Variants in EPS8 observed in about 807,000 individuals in gnomAD.
EPS8 encodes EGFR pathway substrate 8, signaling adaptor.
In EPS8, 42 loss-of-function variants were observed where a neutral mutation model predicts 103.8. That is an observed-to-expected ratio of 0.40 (90% CI 0.32 to 0.52). The LOEUF (loss-of-function observed/expected upper bound fraction) is 0.52, where lower values mean the gene tolerates loss of function less well. Ranked by LOEUF, EPS8 falls within the 20% of genes least tolerant of loss-of-function variation. EPS8 has a pLI of 0.40. For synonymous variants in EPS8, 344 were observed against 344.6 expected (o/e 1.00, Z 0.02); for missense variants, 969 against 1,005.1 (o/e 0.96, Z 0.49).
Position 15,781,060 on chromosome 12 carries a change from A to C in EPS8, c.-22+8101T>G, listed in dbSNP as rs1591939672. ...TAAATACAATGAGGGAAAGAAAGAA[A>C]TAACTAGCTAATGCTACCATTATTT... On this transcript the variant is annotated intron_variant, in intron 1 of 20. Transcript: ENST00000281172. The surrounding 1 kb of genome is among the most constrained non-coding windows in gnomAD (Gnocchi z 4.1). 6.6e-6 allele frequency among the ~76,000 whole-genome samples: 1 copy of C among 152,206 alleles called. No homozygotes were observed. Among genetic ancestry groups the C allele is most frequent in the African/African-American group, 2.4e-5 (1 of 41,456 alleles).
chr12:15,701,549 C>T lies in EPS8; in HGVS notation c.-21-18577G>A, dbSNP rs1468705280. ...ACATTTCACATCTACATAATCCATG[C>T]CTGGATTCAGGTATGTCCTTCTCAT... On this transcript the variant is annotated intron_variant, in intron 1 of 20. Transcript: ENST00000281172. The surrounding 1 kb of genome is among the most constrained non-coding windows in gnomAD (Gnocchi z 5.1). Among the ~76,000 whole-genome samples the T allele has an allele frequency of 6.6e-6, 1 of 152,152 alleles. No individual in the cohort carries two copies. The highest frequency in any genetic ancestry group is 1.5e-5 in the Non-Finnish European group (1 of 68,022).
rs1442697356 is a variant in EPS8, at chr12:15,707,974, G to A, written c.-21-25002C>T. Among the ~76,000 whole-genome samples, 5 of 152,030 alleles carry A rather than the reference G, an allele frequency of 3.3e-5. No homozygotes were observed. In the East Asian group the frequency reaches 5.8e-4, roughly 18 times the overall value. ...CCCCAGGAAAAAAATTCTGATTTAG[G>A]TATGAGAATGAGTTCCTGTTATTGC... On this transcript the variant is annotated intron_variant, in intron 1 of 20. Transcript: ENST00000281172.
At chr12:15,669,610 T>C in intron 5 of EPS8, 54 bp downstream of exon 5, 1 of 1,553,664 alleles carries the variant, frequency 6.4e-7, no homozygotes, top group Non-Finnish European at 8.7e-7. Context: ...ATTGTAAACA[T>C]TAATATTTGT....
rs1263220612 is a variant in EPS8 at position 15,779,717 on chromosome 12, T to C, written c.-22+9444A>G. 2.0e-5 allele frequency among the ~76,000 whole-genome samples: 3 copies of C among 152,206 alleles called. No homozygotes were observed. Among genetic ancestry groups the C allele is most frequent in the Non-Finnish European group, 4.4e-5 (3 of 68,028 alleles). On this transcript the variant is annotated intron_variant, in intron 1 of 20. Coordinates refer to ENST00000281172, the MANE Select transcript of EPS8 (RefSeq NM_004447.6). The surrounding 1 kb of genome is among the most constrained non-coding windows in gnomAD (Gnocchi z 4.3). Reference sequence around the variant, plus strand: ...AAACTTCTCTTCCTTCTATCAATCTTTTTTCTCACTATTTTTTCTTTCTCT... The same window carrying C: ...AAACTTCTCTTCCTTCTATCAATCTCTTTTCTCACTATTTTTTCTTTCTCT...
intron 15 of EPS8, among the ~76,000 whole-genome samples, chr12:15,643,740 GAAAAAA>G (rs56952348): frequency 5.2e-5 from 4 of 76,992 alleles, no homozygotes; most frequent in African/African-American, 1.0e-4. Context: ...ACTCTGTCTC[GAAAAAA>G]AAAAAAAAAA....
intron 18 of EPS8, 125 bp downstream of exon 18, chr12:15,631,317 C>G: frequency 1.5e-6 from 2 of 1,353,740 alleles, no homozygotes; most frequent in Non-Finnish European, 2.0e-6. Flanking sequence ...AAAATCTTTG[C>G]AATCTATTAA....
intron 6 of EPS8, among the ~76,000 whole-genome samples, chr12:15,667,408 C>T (rs149311340): frequency 2.2e-3 from 337 of 152,166 alleles, no homozygotes; most frequent in African/African-American, 7.1e-3. Flanking sequence ...AAATGAGAGG[C>T]CAATGCATCC....
rs1946254505 is a variant in EPS8, at chr12:15,697,182, C to T, written c.-21-14210G>A. Among the ~76,000 whole-genome samples, 1 of 152,284 alleles carries T rather than the reference C, an allele frequency of 6.6e-6. No homozygotes were observed. The highest frequency in any genetic ancestry group is 2.1e-4 in the South Asian group (1 of 4,814). On this transcript the variant is annotated intron_variant, in intron 1 of 20. Coordinates refer to ENST00000281172, the MANE Select transcript of EPS8 (RefSeq NM_004447.6). This position sits in a 1 kb window ranked among gnomAD's most constrained non-coding sequence, Gnocchi z 5.6. ...GGCCTATAGACTGAAGAAGGGAAAA[C>T]TTGAGGGACAAGCACAAACTGATTA...
Position 15,673,624 on chromosome 12 carries a change from A to G in EPS8, c.137-2701T>C, listed in dbSNP as rs566211610. On this transcript the variant is annotated intron_variant, in intron 3 of 20. Coordinates refer to ENST00000281172, the MANE Select transcript of EPS8 (RefSeq NM_004447.6). The stretch of plus-strand genomic sequence containing the variant: ...GTTCTCATCCTTGGCTGCATGTTGG[A>G]ATGAACTTTATAAAACAGTGTGCAA... Among the ~76,000 whole-genome samples, 4 of 152,298 alleles carry G rather than the reference A, an allele frequency of 2.6e-5. No homozygotes were observed. The South Asian group carries it at 8.3e-4, about 32-fold the overall frequency.
At chr12:15,786,600 T>C (rs952995843) in intron 1 of EPS8, among the ~76,000 whole-genome samples, 4 of 152,072 alleles carry the variant, frequency 2.6e-5, no homozygotes, top group East Asian at 1.9e-4. Flanking sequence ...GGGAAGCTGG[T>C]ATGGGGGTAT....
intron 1 of EPS8, among the ~76,000 whole-genome samples, chr12:15,732,444 C>T (rs144746107): frequency 6.6e-6 from 1 of 152,236 alleles, no homozygotes; most frequent in African/African-American, 2.4e-5. Context: ...TTTATATACA[C>T]TATCTCATTT....
chr12:15,763,187 T>C (rs1292704924), intron 1 of EPS8, among the ~76,000 whole-genome samples: 1 of 152,196 alleles, frequency 6.6e-6, no homozygotes, highest in Non-Finnish European at 1.5e-5. Flanking sequence ...GTTGTTGTTT[T>C]TTTTCCTAAG....
rs1343784156 is a variant in EPS8, at chr12:15,725,736, G to T, written c.-21-42764C>A. Among the ~76,000 whole-genome samples, 2 of 152,072 alleles carry T rather than the reference G, an allele frequency of 1.3e-5. No individual in the cohort carries two copies. Among genetic ancestry groups the T allele is most frequent in the East Asian group, 1.9e-4 (1 of 5,186 alleles). On this transcript the variant is annotated intron_variant, in intron 1 of 20. Coordinates refer to ENST00000281172, the MANE Select transcript of EPS8 (RefSeq NM_004447.6). The surrounding 1 kb of genome is among the most constrained non-coding windows in gnomAD (Gnocchi z 4.5). ...CAAATAACAGAGAAATGAACAAAAA[G>T]ATGGAAAAATATGAATTTTAAAAAT...
In EPS8 at chr12:15,745,751, C is replaced by A. The variant is rs1946869222; in HGVS notation, c.-22+43410G>T. On this transcript the variant is annotated intron_variant, in intron 1 of 20. Coordinates refer to ENST00000281172, the MANE Select transcript of EPS8 (RefSeq NM_004447.6). This position sits in a 1 kb window ranked among gnomAD's most constrained non-coding sequence, Gnocchi z 4.6. ...TTTTCATAGACTATCTAGATAATAG[C>A]TCAAGTTCTCTGCCTTTTAGTAGAA... Among the ~76,000 whole-genome samples the A allele has an allele frequency of 6.6e-6, 1 of 152,166 alleles. No individual in the cohort carries two copies. Among genetic ancestry groups the A allele is most frequent in the Admixed American group, 6.5e-5 (1 of 15,274 alleles).
intron 1 of EPS8, among the ~76,000 whole-genome samples, chr12:15,737,388 TA>T (rs1946777165): frequency 6.6e-6 from 1 of 152,118 alleles, no homozygotes; most frequent in South Asian, 2.1e-4. Flanking sequence ...GAAGACTCTG[TA>T]ACATAGATTA....
intron 3 of EPS8, among the ~76,000 whole-genome samples, chr12:15,678,649 A>G (rs866678171): frequency 1.3e-5 from 2 of 152,142 alleles, no homozygotes; most frequent in Non-Finnish European, 1.5e-5. Context: ...CTTAAAAGCT[A>G]AAGATTTTCT....
chr12:15,739,783 T>TCCAC (rs1398572082), intron 1 of EPS8, among the ~76,000 whole-genome samples: 1 of 152,050 alleles, frequency 6.6e-6, no homozygotes, highest in Non-Finnish European at 1.5e-5. Context: ...CATCCATCCA[T>TCCAC]CCACCCATCC....
chr12:15,656,833 C>T (rs1226584851), intron 12 of EPS8, among the ~76,000 whole-genome samples: 1 of 152,162 alleles, frequency 6.6e-6, no homozygotes, highest in Non-Finnish European at 1.5e-5. Flanking sequence ...ATCACTCCAT[C>T]CTGTTAGTCT....
At position 15,670,896 on chromosome 12, in the gene EPS8, C is replaced by A; in HGVS notation, c.164G>T (p.Ser55Ile). 1 of 1,612,426 alleles carries A rather than the reference C, an allele frequency of 6.2e-7. No homozygotes were observed. The change falls in exon 4 of 21, where the codon AGT (serine) becomes ATT (isoleucine). Residue 55 changes from serine to isoleucine, a missense_variant. Physicochemically the swap from Ser to Ile is moderately radical, Grantham distance 142 (BLOSUM62 -2). Transcript: ENST00000281172. ...AGATATATCTGACACACTGCTGACA[C>A]TGTCCCGTGCATAATTCTTCCTTTG... ...YEQRKNYARD[S>I]VSSVSDISQY...
Sources: allele counts gnomAD v4.1 joint callset (sites outside exome capture counted in the v4.1 genomes callset), GRCh38; gene constraint gnomAD v4.1.1; non-coding constraint Gnocchi (gnomAD v3.1); transcripts MANE v1.5; gene names NCBI Gene and HGNC (gene_info 2026-07-23, HGNC 2026-07-21).